Variants in INPP4A observed in about 807,000 individuals in gnomAD.
INPP4A encodes the protein inositol polyphosphate-4-phosphatase type I A, also known as inositol polyphosphate-4-phosphatase, type I, 107kD.
A neutral mutation model predicts 119.8 loss-of-function variants in INPP4A; 33 were observed. The ratio of observed to expected loss-of-function variants is 0.28; its 90% CI spans 0.21 to 0.37. INPP4A has a LOEUF of 0.37. Among genes scored for constraint, INPP4A ranks in the 10% least tolerant of loss-of-function variants. The probability of loss-of-function intolerance (pLI) is 1.00; values close to 1 mark genes in which losing one functional copy is unlikely to be tolerated. For missense variants in INPP4A, 956 were observed against 1,289.9 expected (o/e 0.74, Z 3.97); for synonymous variants, 496 against 500.7 (o/e 0.99, Z 0.12).
At chr2:98,577,946 C>T (rs1432550152) in intron 24 of INPP4A, among the ~76,000 whole-genome samples, 1 of 152,224 alleles carries the variant, frequency 6.6e-6, no homozygotes, top group Non-Finnish European at 1.5e-5. Flanking sequence ...TGTCCTCTCA[C>T]CAAATTATTT....
intron 24 of INPP4A, among the ~76,000 whole-genome samples, chr2:98,586,651 G>A (rs191087460): frequency 6.6e-6 from 1 of 152,320 alleles, no homozygotes; most frequent in Admixed American, 6.5e-5. Context: ...CTCCCATGCA[G>A]TGTTTGCTTT....
At chr2:98,568,314 T>C (rs1288978974) in intron 21 of INPP4A, among the ~76,000 whole-genome samples, 1 of 152,224 alleles carries the variant, frequency 6.6e-6, no homozygotes, top group Non-Finnish European at 1.5e-5. Flanking sequence ...GCACAGGATC[T>C]GTACCACATC....
chr2:98,565,543 C>G (rs753729745), intron 19 of INPP4A, 97 bp from the exon 20 acceptor site: 14 of 1,377,596 alleles, frequency 1.0e-5, no homozygotes, highest in Non-Finnish European at 1.4e-5. Context: ...TGCACCCCTC[C>G]TGTCACAGCC....
At chr2:98,488,093 T>C (rs558689786) in intron 1 of INPP4A, among the ~76,000 whole-genome samples, 1 of 152,344 alleles carries the variant, frequency 6.6e-6, no homozygotes, top group Non-Finnish European at 1.5e-5. Context: ...GTTCCAGCTT[T>C]GGCCACTGGG....
At chr2:98,539,102 C>A in intron 9 of INPP4A, 121 bp downstream of exon 9, 1 of 580,152 alleles carries the variant, frequency 1.7e-6, no homozygotes, top group Non-Finnish European at 3.1e-6. Flanking sequence ...TGTCACCTCT[C>A]TGCTGCTTAT....
At chr2:98,518,823 T>A (rs1686642194) in intron 1 of INPP4A, 141 bp from the exon 2 acceptor site, 2 of 152,248 alleles carry the variant, frequency 1.3e-5, no homozygotes, top group Non-Finnish European at 1.5e-5. Flanking sequence ...AAACTTGTAT[T>A]TTTGAGCCAG....
chr2:98,489,029 T>A (rs769165695), intron 1 of INPP4A, among the ~76,000 whole-genome samples: 1 of 150,160 alleles, frequency 6.7e-6, no homozygotes, highest in Non-Finnish European at 1.5e-5. Context: ...GGAGGCTGGT[T>A]TGGAGCCTGT....
At chr2:98,483,279 C>T (rs181896466) in intron 1 of INPP4A, among the ~76,000 whole-genome samples, 3 of 152,266 alleles carry the variant, frequency 2.0e-5, no homozygotes, top group East Asian at 1.9e-4. Flanking sequence ...TTCCATTCAT[C>T]GAATTCTTTG....
chr2:98,462,982 C>T (rs1454587036), intron 1 of INPP4A, among the ~76,000 whole-genome samples: 1 of 152,122 alleles, frequency 6.6e-6, no homozygotes, highest in Non-Finnish European at 1.5e-5. Context: ...GCTGGGATTA[C>T]AGGTGTGTGC....
chr2:98,563,464 G>A lies in INPP4A; in HGVS notation c.1856-1G>A. 1.2e-6 allele frequency: 2 copies of A among 1,611,992 alleles called. No individual in the cohort carries two copies. Among genetic ancestry groups the A allele is most frequent in the Non-Finnish European group, 8.5e-7 (1 of 1,178,926 alleles). Reference sequence around the variant, plus strand: ...TGATGACCCCTTCGCTTGTGCCCCAGGTGAATGGAGTGAGGCCCTTTACCC... The same window carrying A: ...TGATGACCCCTTCGCTTGTGCCCCAAGTGAATGGAGTGAGGCCCTTTACCC... On this transcript the variant is annotated splice_acceptor_variant, in intron 17 of 24. Transcript: ENST00000409851. LOFTEE classifies it high-confidence loss of function.
chr2:98,520,046 A>G lies in INPP4A; in HGVS notation c.-3A>G, dbSNP rs2105730684. On this transcript the variant is annotated 5_prime_UTR_variant, in exon 3 of 25. Transcript: ENST00000409851. ...CAAGAAGCACATCATCACCAATGAC[A>G]TCATGACAGCAAGAGAGCACAGCCC... 6.3e-7 allele frequency: 1 copy of G among 1,576,910 alleles called. No homozygotes were observed.
chr2:98,549,186 A>G (rs1035891649), intron 13 of INPP4A, among the ~76,000 whole-genome samples: 3 of 152,180 alleles, frequency 2.0e-5, no homozygotes, highest in East Asian at 1.9e-4. Flanking sequence ...AAAACCTGGC[A>G]GCTGGGTGTT....
chr2:98,579,580 C>A, intron 24 of INPP4A, among the ~76,000 whole-genome samples: 1 of 152,244 alleles, frequency 6.6e-6, no homozygotes, highest in East Asian at 1.9e-4. Context: ...CCAGAGTGCA[C>A]GAGGCACTGC....
In INPP4A at chr2:98,566,247, G is replaced by T; in HGVS notation, c.2420+78G>T. 1.4e-6 allele frequency: 2 copies of T among 1,400,998 alleles called. No individual in the cohort carries two copies. The highest frequency in any genetic ancestry group is 1.9e-6 in the Non-Finnish European group (2 of 1,048,986). 86.8% of individuals were successfully genotyped at this position (1,400,998 alleles called of 1,614,324 possible). On this transcript the variant is annotated intron_variant, in intron 21 of 24. Transcript: ENST00000409851. The surrounding 1 kb of genome is among the most constrained non-coding windows in gnomAD (Gnocchi z 4.2). ...CAGAAAACGTACTTACCCCTCTTCA[G>T]GCTCTAAGTGCTGGACAGACTTTGT...
chr2:98,445,405 G>A (rs4851137), intron 1 of INPP4A, among the ~76,000 whole-genome samples: 1 of 152,236 alleles, frequency 6.6e-6, no homozygotes, highest in African/African-American at 2.4e-5. Flanking sequence ...CTGGGTCTAC[G>A]GGCTCCTGAA....
intron 1 of INPP4A, among the ~76,000 whole-genome samples, chr2:98,514,190 T>G (rs1685667627): frequency 1.3e-5 from 2 of 152,154 alleles, no homozygotes. Context: ...TCCAGAGTGG[T>G]GAGGTCCAAG....
rs185199905 is a variant in INPP4A, at chr2:98,575,673, T to C, written c.2632-1316T>C. On this transcript the variant is annotated intron_variant, in intron 23 of 24. Coordinates refer to ENST00000409851, the MANE Select transcript of INPP4A (RefSeq NM_001134225.2). Reference sequence around the variant, plus strand: ...ACTGTACCATGTTCGTGTCTAGTGATGATCCTGGTAGTGACTGGCATGCTC... The same window carrying C: ...ACTGTACCATGTTCGTGTCTAGTGACGATCCTGGTAGTGACTGGCATGCTC... Among the ~76,000 whole-genome samples, 3 of 152,340 alleles carry C rather than the reference T, an allele frequency of 2.0e-5. No homozygotes were observed. The East Asian group carries it at 5.8e-4, about 29-fold the overall frequency.
chr2:98,565,087 G>A (rs1278733067), intron 19 of INPP4A, among the ~76,000 whole-genome samples: 1 of 152,240 alleles, frequency 6.6e-6, no homozygotes, highest in Non-Finnish European at 1.5e-5. Context: ...ATGACTGGAA[G>A]GAGAGTTGCT....
chr2:98,538,166 C>T (rs958246860), intron 8 of INPP4A, among the ~76,000 whole-genome samples, 192 bp downstream of exon 8: 1 of 152,198 alleles, frequency 6.6e-6, no homozygotes, highest in African/African-American at 2.4e-5. Flanking sequence ...GCCTGTAAAG[C>T]CCTGCTGCCC....
Sources: gnomAD v4.1 joint callset for allele counts (sites outside exome capture counted in the v4.1 genomes callset) on GRCh38, gnomAD v4.1.1 for gene constraint, Gnocchi (gnomAD v3.1) non-coding constraint, MANE v1.5 for transcripts, NCBI Gene and HGNC (gene_info 2026-07-23, HGNC 2026-07-21) for gene names.